Variants in CACNG2 observed in about 807,000 individuals in gnomAD.
CACNG2 encodes the protein calcium voltage-gated channel auxiliary subunit gamma 2.
In CACNG2, 3 loss-of-function variants were observed where a neutral mutation model predicts 25.9. The observed-to-expected ratio is 0.12, with a 90% CI of 0.05 to 0.30. CACNG2 has a LOEUF of 0.30. Ranked by LOEUF, CACNG2 falls within the 10% of genes least tolerant of loss-of-function variation. The probability of loss-of-function intolerance (pLI) is 1.00; values close to 1 mark genes in which losing one functional copy is unlikely to be tolerated. For synonymous variants in CACNG2, 167 were observed against 173.3 expected, an observed-to-expected ratio of 0.96 and a Z score of 0.29; for missense variants, 341 against 432.5, an observed-to-expected ratio of 0.79 and a Z score of 1.88.
At chr22:36,610,108 G>A (rs890853849) in intron 1 of CACNG2, among the ~76,000 whole-genome samples, 1 of 149,932 alleles carries the variant, frequency 6.7e-6, no homozygotes, top group Non-Finnish European at 1.5e-5. Flanking sequence ...TGATCAGGGA[G>A]GAAATCAGTT....
chr22:36,667,751 G>T (rs1188630999), intron 1 of CACNG2, among the ~76,000 whole-genome samples: 1 of 152,154 alleles, frequency 6.6e-6, no homozygotes. Flanking sequence ...TAAAGCAAGG[G>T]TTCGTGTTTC....
chr22:36,654,432 A>T (rs5995323), intron 1 of CACNG2, among the ~76,000 whole-genome samples: 15,719 of 151,742 alleles, frequency 0.1, 2,694 homozygotes, highest in African/African-American at 0.36. Flanking sequence ...GAGTTTCCCT[A>T]TGTTGCACAG....
chr22:36,621,774 A>G (rs191723979), intron 1 of CACNG2, among the ~76,000 whole-genome samples: 4 of 152,176 alleles, frequency 2.6e-5, no homozygotes, highest in African/African-American at 9.6e-5. Flanking sequence ...TGTCTTATTC[A>G]CCCTGACATC....
rs568986227 is a variant in CACNG2 at position 36,588,890 on chromosome 22, T to A, written c.212-1342A>T. On this transcript the variant is annotated intron_variant, in intron 1 of 3. Transcript: ENST00000300105. The stretch of plus-strand genomic sequence containing the variant: ...TCAATACATGTTGGCAATGATTTTC[T>A]TCTACAGTCCTGAGACTATGTCTTA... Among the ~76,000 whole-genome samples, 8 of 152,340 alleles carry A rather than the reference T, an allele frequency of 5.3e-5. No individual in the cohort carries two copies. In the South Asian group the frequency reaches 1.7e-3, roughly 32 times the overall value.
chr22:36,643,854 C>G (rs1244606226), intron 1 of CACNG2, among the ~76,000 whole-genome samples: 1 of 152,148 alleles, frequency 6.6e-6, no homozygotes, highest in East Asian at 1.9e-4. Context: ...GACTCAGTTA[C>G]CATTATTAGC....
intron 1 of CACNG2, among the ~76,000 whole-genome samples, chr22:36,683,470 C>T (rs961238551): frequency 6.6e-6 from 1 of 152,192 alleles, no homozygotes; most frequent in African/African-American, 2.4e-5. Context: ...CACTATCTCT[C>T]TTAGGCTTGT....
chr22:36,629,216 C>T (rs1317453044), intron 1 of CACNG2, among the ~76,000 whole-genome samples: 1 of 152,138 alleles, frequency 6.6e-6, no homozygotes, highest in Admixed American at 6.5e-5. Context: ...AAGGAATAAC[C>T]GAAGCCTTAA....
intron 1 of CACNG2, among the ~76,000 whole-genome samples, chr22:36,662,472 G>A (rs1384908157): frequency 6.6e-6 from 1 of 152,086 alleles, no homozygotes; most frequent in African/African-American, 2.4e-5. Flanking sequence ...TTGAAATCAT[G>A]ACATGAATTA....
chr22:36,678,742 C>T (rs1388643171), intron 1 of CACNG2, among the ~76,000 whole-genome samples: 1 of 151,970 alleles, frequency 6.6e-6, no homozygotes, highest in African/African-American at 2.4e-5. Context: ...TGGTTACCTT[C>T]TCTTCTTGCA....
intron 1 of CACNG2, among the ~76,000 whole-genome samples, chr22:36,689,501 C>T (rs1302393742): frequency 2.0e-5 from 3 of 151,934 alleles, no homozygotes; most frequent in African/African-American, 7.3e-5. Context: ...GTCTGGCTTA[C>T]ATTAAACATT....
chr22:36,674,626 G>A (rs1438313675), intron 1 of CACNG2, among the ~76,000 whole-genome samples: 1 of 152,244 alleles, frequency 6.6e-6, no homozygotes, highest in Non-Finnish European at 1.5e-5. Context: ...ACCGCACTTG[G>A]CCCACACCTG....
intron 2 of CACNG2, among the ~76,000 whole-genome samples, chr22:36,572,739 G>A (rs1020529424): frequency 1.3e-5 from 2 of 152,068 alleles, no homozygotes; most frequent in African/African-American, 4.8e-5. Context: ...TCAGGTGGTG[G>A]GCTGGATGGG....
At chr22:36,597,684 C>T (rs753651197) in intron 1 of CACNG2, among the ~76,000 whole-genome samples, 3 of 152,186 alleles carry the variant, frequency 2.0e-5, no homozygotes, top group Admixed American at 6.5e-5. Flanking sequence ...TCCTCTCCTA[C>T]GCTCCTATGC....
At position 36,564,495 on chromosome 22, in the gene CACNG2, G is replaced by A. The variant is rs368237033; in HGVS notation, c.828C>T (p.Asp276=). Residue 276 remains aspartate, a synonymous_variant, in exon 4 of 4, where the codon GAC becomes GAT. Transcript: ENST00000300105. The surrounding 1 kb of genome is among the most constrained non-coding windows in gnomAD (Gnocchi z 6.7). ...TGGGCGTGGTGGCGGCCTTCAGGGG[G>A]TCCCTGCTGAGCGTGTACATGGAGA... ...TEISMYTLSR[D]PLKAATTPTA... 1.9e-5 allele frequency: 31 copies of A among 1,613,992 alleles called. No individual in the cohort carries two copies. Among genetic ancestry groups the A allele is most frequent in the African/African-American group, 4.0e-5 (3 of 74,916 alleles).
At chr22:36,662,190 C>T (rs559832085) in intron 1 of CACNG2, among the ~76,000 whole-genome samples, 2 of 151,944 alleles carry the variant, frequency 1.3e-5, no homozygotes, top group African/African-American at 4.8e-5. Flanking sequence ...CCATGTTGGC[C>T]AGGCTGGTCT....
At chr22:36,652,545 C>T (rs929055115) in intron 1 of CACNG2, among the ~76,000 whole-genome samples, 3 of 152,158 alleles carry the variant, frequency 2.0e-5, no homozygotes, top group East Asian at 1.9e-4. Flanking sequence ...AATCCCTGAA[C>T]GAAATCTCCC....
chr22:36,630,900 G>T (rs1017161870), intron 1 of CACNG2, among the ~76,000 whole-genome samples: 3 of 152,078 alleles, frequency 2.0e-5, no homozygotes, highest in African/African-American at 7.2e-5. Flanking sequence ...GTACGATCTT[G>T]GCTCACTACA....
intron 1 of CACNG2, among the ~76,000 whole-genome samples, chr22:36,687,781 A>T (rs1937220556): frequency 6.6e-6 from 1 of 152,142 alleles, no homozygotes; most frequent in Non-Finnish European, 1.5e-5. Flanking sequence ...CAGGAGAATC[A>T]CGAGAAGGAC....
chr22:36,691,370 C>G (rs745423215), intron 1 of CACNG2, among the ~76,000 whole-genome samples: 13 of 152,130 alleles, frequency 8.5e-5, no homozygotes, highest in Non-Finnish European at 1.9e-4. Flanking sequence ...AGACTGATGT[C>G]CTTGCATTTT....
Sources: allele counts gnomAD v4.1 joint callset (sites outside exome capture counted in the v4.1 genomes callset), GRCh38; gene constraint gnomAD v4.1.1; non-coding constraint Gnocchi (gnomAD v3.1); transcripts MANE v1.5; gene names NCBI Gene and HGNC (gene_info 2026-07-23, HGNC 2026-07-21).